The following CRB1 variants were observed in gnomAD, a reference collection of about 807,000 sequenced individuals.
The protein encoded by CRB1 is protein crumbs homolog 1.
CRB1 carries 83 observed loss-of-function variants against 120.0 expected under a neutral mutation model. The observed-to-expected ratio is 0.69, with a 90% CI of 0.58 to 0.83. The LOEUF (loss-of-function observed/expected upper bound fraction) is 0.83, where lower values mean the gene tolerates loss of function less well. CRB1 is among the 40% of genes least tolerant of loss of function. The pLI is 0.00. For synonymous variants in CRB1, 625 were observed against 612.5 expected (o/e 1.02, Z -0.30); for missense variants, 1,699 against 1,687.6 (o/e 1.01, Z -0.12).
chr1:197,369,410 A>G (rs1175018266), intron 5 of CRB1, among the ~76,000 whole-genome samples: 1 of 151,974 alleles, frequency 6.6e-6, no homozygotes, highest in East Asian at 1.9e-4. Flanking sequence ...TTCAGTCCCA[A>G]GCAACCCAGT....
intron 5 of CRB1, among the ~76,000 whole-genome samples, chr1:197,365,774 C>T (rs1212029626): frequency 2.6e-5 from 4 of 151,836 alleles, no homozygotes; most frequent in South Asian, 4.2e-4. Flanking sequence ...TGTTGCTGAC[C>T]GGGGATCAGC....
At chr1:197,428,162 A>G (rs2125485960) in intron 7 of CRB1, among the ~76,000 whole-genome samples, 161 bp downstream of exon 7, 1 of 152,326 alleles carries the variant, frequency 6.6e-6, no homozygotes, top group East Asian at 1.9e-4. Context: ...AGACTGTGAA[A>G]TTTACATTGA....
At position 197,427,941 on chromosome 1, in the gene CRB1, A is replaced by C. The variant is rs2125485328; in HGVS notation, c.2616A>C (p.Ala872=). ...LEFFPNPTNN[A]SLNPVLVNVT... is the part of the protein sequence containing the mutation. ...TCTTTCCAAATCCAACAAACAATGC[A>C]TCTCTCAATCCAGTTCTTGTCAATG... is the stretch of plus-strand genomic sequence containing the variant. The change falls in exon 7 of 12, where the codon GCA becomes GCC. Residue 872 remains alanine (A), a synonymous_variant. Transcript: ENST00000367400. 6.2e-6 allele frequency: 10 copies of C among 1,614,032 alleles called. No homozygotes were observed. Among genetic ancestry groups the C allele is most frequent in the Non-Finnish European group, 7.6e-6 (9 of 1,179,978 alleles).
intron 5 of CRB1, among the ~76,000 whole-genome samples, chr1:197,374,174 A>G (rs1352422700): frequency 1.3e-5 from 2 of 152,174 alleles, no homozygotes; most frequent in Non-Finnish European, 2.9e-5. Flanking sequence ...CCAGATAATG[A>G]TGGAAGCCAT....
chr1:197,317,155 C>T (rs563992800), intron 1 of CRB1, among the ~76,000 whole-genome samples: 58 of 152,306 alleles, frequency 3.8e-4, no homozygotes, highest in Middle Eastern at 6.8e-3. Context: ...CGGTGGCTCA[C>T]GCCTGTAATC....
intron 5 of CRB1, among the ~76,000 whole-genome samples, chr1:197,377,170 TA>T (rs1404407016): frequency 2.0e-5 from 3 of 152,088 alleles, no homozygotes; most frequent in Non-Finnish European, 4.4e-5. Context: ...AATTTCTTCA[TA>T]TTACTTATCA....
chr1:197,222,444 A>T, the CRB1 span: 1 of 768,566 alleles, frequency 1.3e-6, no homozygotes, highest in Non-Finnish European at 2.4e-6. Flanking sequence ...CGTCATGGTG[A>T]TGGTGAAGGG....
chr1:197,315,443 T>A (rs1461811937), intron 1 of CRB1, among the ~76,000 whole-genome samples: 2 of 152,240 alleles, frequency 1.3e-5, no homozygotes, highest in Non-Finnish European at 2.9e-5. Flanking sequence ...AGACACTTTC[T>A]TTCTCTCAGC....
chr1:197,426,695 G>A (rs1293370898), intron 6 of CRB1, among the ~76,000 whole-genome samples: 2 of 152,090 alleles, frequency 1.3e-5, no homozygotes, highest in Non-Finnish European at 2.9e-5. Context: ...CAAGTTCTCT[G>A]TTTCCTGTGC....
chr1:197,231,547 G>C, the CRB1 span, among the ~76,000 whole-genome samples: 1 of 152,178 alleles, frequency 6.6e-6, no homozygotes, highest in Admixed American at 6.5e-5. Context: ...CTAGGAAACA[G>C]TGCAAGCATG....
At chr1:197,341,996 T>C (rs1407247995) in intron 2 of CRB1, among the ~76,000 whole-genome samples, 1 of 152,198 alleles carries the variant, frequency 6.6e-6, no homozygotes, top group South Asian at 2.1e-4. Context: ...GGTAGAGGTA[T>C]ATGGTAGGTT....
At chr1:197,289,390 C>T (rs924942652) in intron 1 of CRB1, among the ~76,000 whole-genome samples, 4 of 151,476 alleles carry the variant, frequency 2.6e-5, no homozygotes, top group Non-Finnish European at 5.9e-5. Context: ...TGCAGGTGCT[C>T]CCTATTTTCT....
intron 5 of CRB1, among the ~76,000 whole-genome samples, chr1:197,405,710 G>C (rs943094317): frequency 6.6e-5 from 10 of 151,418 alleles, no homozygotes; most frequent in Non-Finnish European, 1.2e-4. Flanking sequence ...GAGGTGAGGA[G>C]CGTCTCTGCC....
chr1:197,386,356 T>C (rs1345405413), intron 5 of CRB1, among the ~76,000 whole-genome samples: 1 of 152,158 alleles, frequency 6.6e-6, no homozygotes, highest in South Asian at 2.1e-4. Flanking sequence ...GTATCTCTTA[T>C]CATACTCTTT....
At position 197,405,104 on chromosome 1, in the gene CRB1, C is replaced by T. The variant is rs193146412; in HGVS notation, c.1172-15896C>T. ...CACGGTCTCCCTCTCCCTCTCTTTC[C>T]ACGGTCTCCCTCTGATGCCGAGCCG... On this transcript the variant is annotated intron_variant, in intron 5 of 11. Coordinates refer to ENST00000367400, the MANE Select transcript of CRB1 (RefSeq NM_201253.3). Among the ~76,000 whole-genome samples the T allele has an allele frequency of 1.4e-4, 21 of 152,006 alleles. No homozygotes were observed. In the East Asian group the frequency reaches 3.9e-3, roughly 28 times the overall value.
At chr1:197,394,574 G>A (rs1270998129) in intron 5 of CRB1, among the ~76,000 whole-genome samples, 1 of 151,762 alleles carries the variant, frequency 6.6e-6, no homozygotes, top group African/African-American at 2.4e-5. Context: ...TTATAATTAT[G>A]TATTAATTTA....
At chr1:197,457,441 G>T (rs569487719) in intron 11 of CRB1, among the ~76,000 whole-genome samples, 3 of 152,036 alleles carry the variant, frequency 2.0e-5, no homozygotes, top group Admixed American at 2.0e-4. Context: ...TTCAGATCCC[G>T]GAGCATCTGC....
At chr1:197,323,663 C>G (rs1426798977) in intron 1 of CRB1, among the ~76,000 whole-genome samples, 1 of 152,092 alleles carries the variant, frequency 6.6e-6, no homozygotes, top group African/African-American at 2.4e-5. Context: ...TAAAAATGAC[C>G]TTCACAACTT....
the CRB1 span, among the ~76,000 whole-genome samples, chr1:197,212,643 A>G: frequency 6.6e-6 from 1 of 152,192 alleles, no homozygotes; most frequent in Non-Finnish European, 1.5e-5. Context: ...AAAAGGGCAC[A>G]AGAAAACTTT....
Sources: gnomAD v4.1 joint callset for allele counts (sites outside exome capture counted in the v4.1 genomes callset) on GRCh38, gnomAD v4.1.1 for gene constraint, MANE v1.5 for transcripts, NCBI Gene and HGNC (gene_info 2026-07-23, HGNC 2026-07-21) for gene names.